PTBP3: variants seen among roughly 807,000 people sequenced by gnomAD.
The protein encoded by PTBP3 is polypyrimidine tract-binding protein 3.
PTBP3 carries 20 observed loss-of-function variants against 58.7 expected under a neutral mutation model. That is an observed-to-expected ratio of 0.34 (90% CI 0.24 to 0.50). The LOEUF (loss-of-function observed/expected upper bound fraction) is 0.50. PTBP3 is among the 20% of genes least tolerant of loss of function. The probability of loss-of-function intolerance (pLI) is 0.98; values close to 1 mark genes in which losing one functional copy is unlikely to be tolerated. For synonymous variants in PTBP3, 185 were observed against 219.8 expected (o/e 0.84, Z 1.40); for missense variants, 509 against 637.2 (o/e 0.80, Z 2.17).
At chr9:112,308,922 CGGGGCTAACAAA>C (rs1283856585) in intron 1 of PTBP3, among the ~76,000 whole-genome samples, 11 of 152,102 alleles carry the variant, frequency 7.2e-5, no homozygotes, top group Admixed American at 5.9e-4. Flanking sequence ...GCATAATTCA[CGGGGCTAACAAA>C]GCAAAGAAAT....
At chr9:112,319,240 C>T (rs377493562) in intron 1 of PTBP3, among the ~76,000 whole-genome samples, 22 of 150,796 alleles carry the variant, frequency 1.5e-4, no homozygotes, top group African/African-American at 4.4e-4. Flanking sequence ...ACACTGAAGA[C>T]GGAAATTGAA....
At chr9:112,345,779 A>G in the PTBP3 span, among the ~76,000 whole-genome samples, 1 of 152,206 alleles carries the variant, frequency 6.6e-6, no homozygotes, top group Non-Finnish European at 1.5e-5. Flanking sequence ...AGCTCTATCT[A>G]ATATTAAAAT....
chr9:112,326,363 G>A (rs1450521063), intron 1 of PTBP3, among the ~76,000 whole-genome samples: 3 of 152,200 alleles, frequency 2.0e-5, no homozygotes, highest in Non-Finnish European at 4.4e-5. Context: ...CTACAACTAC[G>A]ACTGCCTTTG....
chr9:112,286,788 T>A (rs1050952393), intron 2 of PTBP3, among the ~76,000 whole-genome samples: 2 of 152,234 alleles, frequency 1.3e-5, no homozygotes, highest in Admixed American at 1.3e-4. Flanking sequence ...AAGTATTTCC[T>A]TTACCATTTC....
At chr9:112,252,430 A>G in intron 6 of PTBP3, 2 of 459,074 alleles carry the variant, frequency 4.4e-6, no homozygotes, top group Admixed American at 3.9e-5. Context: ...GACTTTAAAC[A>G]TGACAAACAG....
At chr9:112,285,615 A>G (rs1020573559) in intron 2 of PTBP3, among the ~76,000 whole-genome samples, 2 of 152,214 alleles carry the variant, frequency 1.3e-5, no homozygotes, top group African/African-American at 2.4e-5. Flanking sequence ...GAACTACTCA[A>G]CTGTGCAGTT....
intron 10 of PTBP3, among the ~76,000 whole-genome samples, chr9:112,231,048 C>T (rs1835179747): frequency 1.4e-5 from 2 of 141,680 alleles, no homozygotes; most frequent in South Asian, 4.2e-4. Flanking sequence ...CACCAGGACC[C>T]ATCTCTCCCC....
chr9:112,293,603 TGTGACGAA>T (rs1370694361), intron 2 of PTBP3, among the ~76,000 whole-genome samples: 1 of 152,198 alleles, frequency 6.6e-6, no homozygotes, highest in African/African-American at 2.4e-5. Flanking sequence ...GGTGTGTCAA[TGTGACGAA>T]GTTCTAGCTA....
At chr9:112,311,155 G>A (rs976457635) in intron 1 of PTBP3, among the ~76,000 whole-genome samples, 4 of 151,734 alleles carry the variant, frequency 2.6e-5, no homozygotes, top group Admixed American at 6.6e-5. Context: ...ATGATAATCC[G>A]GATTAAGGGC....
chr9:112,240,017 C>T (rs1835592028), intron 7 of PTBP3, among the ~76,000 whole-genome samples: 1 of 152,036 alleles, frequency 6.6e-6, no homozygotes, highest in African/African-American at 2.4e-5. Flanking sequence ...GTGGAACGAT[C>T]TGGAGGTTGG....
At chr9:112,282,669 T>A (rs931889784) in intron 2 of PTBP3, among the ~76,000 whole-genome samples, 4 of 152,174 alleles carry the variant, frequency 2.6e-5, no homozygotes, top group Non-Finnish European at 5.9e-5. Flanking sequence ...TTTGGGAAAT[T>A]TTTCCTCCAG....
intron 1 of PTBP3, among the ~76,000 whole-genome samples, chr9:112,302,699 G>A (rs868276296): frequency 3.5e-5 from 5 of 144,094 alleles, no homozygotes; most frequent in Middle Eastern, 4.0e-3. Flanking sequence ...AATGATTCTC[G>A]TGTCTCAGCC....
chr9:112,342,066 G>C, the PTBP3 span, among the ~76,000 whole-genome samples: 1 of 152,142 alleles, frequency 6.6e-6, no homozygotes, highest in Non-Finnish European at 1.5e-5. Flanking sequence ...TTGGCTGAGG[G>C]CCTGGATAGA....
rs73533623 is a variant in PTBP3 at position 112,224,969 on chromosome 9, T to C, written c.1365-759A>G. On this transcript the variant is annotated intron_variant, in intron 12 of 13. Coordinates refer to ENST00000374257, the MANE Select transcript of PTBP3 (RefSeq NM_001163788.4). Reference sequence around the variant, plus strand: ...TAAAACCTTCAGATGACCACATCCTTGCCTTGCATCGTGATTACAACCTTA... The same window carrying C: ...TAAAACCTTCAGATGACCACATCCTCGCCTTGCATCGTGATTACAACCTTA... Among the ~76,000 whole-genome samples, 1,012 of 152,306 alleles carry C rather than the reference T, an allele frequency of 6.6e-3. 16 individuals carry two copies. The highest frequency in any genetic ancestry group is 0.023 in the African/African-American group (953 of 41,562).
chr9:112,273,652 A>G (rs941317411), intron 3 of PTBP3, among the ~76,000 whole-genome samples: 1 of 152,192 alleles, frequency 6.6e-6, no homozygotes, highest in African/African-American at 2.4e-5. Context: ...TTTACATTTT[A>G]TTTAAGTATC....
At chr9:112,332,784 A>G (rs1830428674) in intron 1 of PTBP3, 2 of 1,612,424 alleles carry the variant, frequency 1.2e-6, no homozygotes, top group African/African-American at 1.3e-5. Flanking sequence ...TTTTACATAC[A>G]CGGGCAGATA....
intron 7 of PTBP3, among the ~76,000 whole-genome samples, chr9:112,237,193 C>T (rs546219974): frequency 6.6e-6 from 1 of 152,198 alleles, no homozygotes; most frequent in Admixed American, 6.5e-5. Flanking sequence ...TTAATAAGAA[C>T]ATTTGCTAAA....
rs560122808 is a variant in PTBP3, at chr9:112,222,520, C to T, written c.*1331G>A. ...CACTCTACAGCCCCAAATTGATATG[C>T]AATAACCCCTATCAGTCACAATGTA... On this transcript the variant is annotated 3_prime_UTR_variant, in exon 14 of 14. Coordinates refer to ENST00000374257, the MANE Select transcript of PTBP3 (RefSeq NM_001163788.4). 5.2e-5 allele frequency: 51 copies of T among 985,548 alleles called. No individual in the cohort carries two copies. In the African/African-American group the frequency reaches 8.2e-4, roughly 16 times the overall value. 61.1% of individuals were successfully genotyped at this position (985,548 alleles called of 1,614,324 possible).
At chr9:112,270,404 T>C (rs1827325136) in intron 3 of PTBP3, among the ~76,000 whole-genome samples, 1 of 152,238 alleles carries the variant, frequency 6.6e-6, no homozygotes, top group Non-Finnish European at 1.5e-5. Context: ...TCACATTTAC[T>C]TGTATGTATG....
Sources: gnomAD v4.1 joint callset for allele counts (sites outside exome capture counted in the v4.1 genomes callset) on GRCh38, gnomAD v4.1.1 for gene constraint, MANE v1.5 for transcripts, NCBI Gene and HGNC (gene_info 2026-07-23, HGNC 2026-07-21) for gene names.